FYB2: variants seen among roughly 807,000 people sequenced by gnomAD.
FYB2 encodes the protein FYN binding protein 2.
A neutral mutation model predicts 94.1 loss-of-function variants in FYB2; 103 were observed. The ratio of observed to expected loss-of-function variants is 1.09; its 90% CI spans 0.93 to 1.29. The LOEUF is 1.29. Ranked by LOEUF, FYB2 falls within the 50% of genes most tolerant of loss-of-function variation. FYB2 has a pLI of 0.00. For synonymous variants in FYB2, 293 were observed against 287.9 expected, an observed-to-expected ratio of 1.02 and a Z score of -0.18; for missense variants, 896 against 841.5, an observed-to-expected ratio of 1.06 and a Z score of -0.80.
intron 14 of FYB2, among the ~76,000 whole-genome samples, chr1:56,738,134 C>A (rs912745312): frequency 1.3e-5 from 2 of 152,010 alleles, no homozygotes; most frequent in Admixed American, 6.6e-5. Context: ...CTAATTTATG[C>A]ACTATTATTT....
intron 1 of FYB2, among the ~76,000 whole-genome samples, chr1:56,816,756 A>G (rs1037492301): frequency 5.3e-5 from 8 of 152,088 alleles, no homozygotes; most frequent in Non-Finnish European, 8.8e-5. Flanking sequence ...TCTAAAACCA[A>G]TTCCTAATCT....
chr1:56,766,484 A>G (rs1645625881), intron 5 of FYB2, among the ~76,000 whole-genome samples: 1 of 150,770 alleles, frequency 6.6e-6, no homozygotes, highest in Non-Finnish European at 1.5e-5. Flanking sequence ...CCTAGGCTGG[A>G]GTGCAGTGGC....
upstream of FYB2, chr1:56,819,438 C>G (rs1485552553): frequency 1.7e-6 from 2 of 1,143,074 alleles, no homozygotes; most frequent in African/African-American, 3.1e-5. Flanking sequence ...CCCACCTGCC[C>G]CATCTGGGCC....
chr1:56,818,298 T>C (rs1267704405), intron 1 of FYB2, among the ~76,000 whole-genome samples: 1 of 151,710 alleles, frequency 6.6e-6, no homozygotes, highest in Non-Finnish European at 1.5e-5. Flanking sequence ...GAGAGAAACA[T>C]GCCCTTTGCC....
chr1:56,750,929 C>T, intron 9 of FYB2, 115 bp downstream of exon 9: 1 of 1,274,528 alleles, frequency 7.8e-7, no homozygotes, highest in Non-Finnish European at 1.1e-6. Flanking sequence ...GGGCAAGTTG[C>T]TTGGCACAAA....
intron 4 of FYB2, among the ~76,000 whole-genome samples, chr1:56,780,106 A>C (rs1159984370): frequency 6.6e-6 from 1 of 152,180 alleles, no homozygotes. Flanking sequence ...AATGCTCAGC[A>C]TGTGGTCATA....
rs546023148 is a variant in FYB2 at position 56,750,420 on chromosome 1, G to T, written c.1387+624C>A. Among the ~76,000 whole-genome samples the T allele has an allele frequency of 2.0e-5, 3 of 151,984 alleles. No individual in the cohort carries two copies. The South Asian group carries it at 6.2e-4, about 32-fold the overall frequency. ...CTGAAAGGGTAGCAAAACCAGGAGT[G>T]GAAAAAGTGATACCAAGTCACTATG... On this transcript the variant is annotated intron_variant, in intron 9 of 19. Coordinates refer to ENST00000343433, the MANE Select transcript of FYB2 (RefSeq NM_001004303.5).
chr1:56,811,764 C>T (rs960621968), intron 1 of FYB2, among the ~76,000 whole-genome samples: 3 of 151,892 alleles, frequency 2.0e-5, no homozygotes, highest in African/African-American at 7.2e-5. Context: ...ACCAAACAAA[C>T]AAACAAACAA....
chr1:56,787,948 C>G (rs1461331334), intron 3 of FYB2, among the ~76,000 whole-genome samples: 1 of 152,164 alleles, frequency 6.6e-6, no homozygotes, highest in Non-Finnish European at 1.5e-5. Flanking sequence ...AAGAGCCTAT[C>G]TCCCCATATA....
At chr1:56,801,695 C>T (rs145290406) in intron 1 of FYB2, among the ~76,000 whole-genome samples, 40 of 152,324 alleles carry the variant, frequency 2.6e-4, no homozygotes, top group South Asian at 6.2e-4. Flanking sequence ...TCCAGCAATG[C>T]ATTAGCCTCA....
At chr1:56,730,134 A>G (rs1644673451) in intron 15 of FYB2, among the ~76,000 whole-genome samples, 1 of 151,896 alleles carries the variant, frequency 6.6e-6, no homozygotes, top group Admixed American at 6.6e-5. Context: ...GAAAAGGAAG[A>G]ACAAACCAAA....
In FYB2 at chr1:56,753,873, G is replaced by C. The variant is rs1261881738; in HGVS notation, c.1193C>G (p.Thr398Arg). 1.2e-6 allele frequency: 2 copies of C among 1,611,038 alleles called. No individual in the cohort carries two copies. The highest frequency in any genetic ancestry group is 2.2e-5 in the South Asian group (2 of 91,018). The change falls in exon 8 of 20, where the codon ACA (threonine) becomes AGA (arginine). Residue 398 changes from threonine to arginine, a missense_variant. Coordinates refer to ENST00000343433, the MANE Select transcript of FYB2 (RefSeq NM_001004303.5). The stretch of plus-strand genomic sequence containing the variant: ...ATGGTTTGAATATGGTTCCTTTTCT[G>C]TGTTTTTAGGTTTCAATTCACATGG... Reference protein sequence around the residue: ...KQPCELKPKNTEKEPYSNHVF... With the variant: ...KQPCELKPKNREKEPYSNHVF...
intron 2 of FYB2, 142 bp downstream of exon 2, chr1:56,791,914 A>G: frequency 2.6e-6 from 3 of 1,169,972 alleles, no homozygotes; most frequent in Non-Finnish European, 3.4e-6. Flanking sequence ...AATTTAGCAG[A>G]TGGGCCTAGA....
At chr1:56,809,821 C>T (rs1646726205) in intron 1 of FYB2, among the ~76,000 whole-genome samples, 2 of 152,160 alleles carry the variant, frequency 1.3e-5, no homozygotes, top group Admixed American at 1.3e-4. Flanking sequence ...TCCTACCTCT[C>T]CGAATTCTGA....
chr1:56,753,731 C>T (rs1570001163), intron 8 of FYB2, 108 bp downstream of exon 8: 3 of 704,192 alleles, frequency 4.3e-6, no homozygotes, highest in East Asian at 5.1e-5. Context: ...ATGCCCATTG[C>T]CTTTTCTAAC....
chr1:56,750,089 A>T (rs1645159964), intron 9 of FYB2, among the ~76,000 whole-genome samples: 1 of 152,000 alleles, frequency 6.6e-6, no homozygotes, highest in Non-Finnish European at 1.5e-5. Context: ...ACAGAAAAAA[A>T]ATACCAAATG....
chr1:56,803,932 C>G (rs568192777), intron 1 of FYB2, among the ~76,000 whole-genome samples: 1 of 152,194 alleles, frequency 6.6e-6, no homozygotes, highest in African/African-American at 2.4e-5. Flanking sequence ...CTCCTCAGAC[C>G]TCTTCTGGCA....
chr1:56,747,076 A>G (rs970209715), intron 9 of FYB2, among the ~76,000 whole-genome samples: 2 of 151,866 alleles, frequency 1.3e-5, no homozygotes, highest in Non-Finnish European at 2.9e-5. Context: ...ATTTCACTAT[A>G]TTTCTTTTAT....
At chr1:56,757,757 T>TCTTTCTTTCTTC (rs1645389677) in intron 6 of FYB2, among the ~76,000 whole-genome samples, 1 of 140,434 alleles carries the variant, frequency 7.1e-6, no homozygotes, top group African/African-American at 2.7e-5. Context: ...TTTCTTTCTT[T>TCTTTCTTTCTTC]TCATTCTTTC....
Sources: gnomAD v4.1 joint callset for allele counts (sites outside exome capture counted in the v4.1 genomes callset) on GRCh38, gnomAD v4.1.1 for gene constraint, MANE v1.5 for transcripts, NCBI Gene and HGNC (gene_info 2026-07-23, HGNC 2026-07-21) for gene names.